The following SGCD variants were observed in gnomAD, a reference collection of about 807,000 sequenced individuals.
SGCD encodes delta-sarcoglycan.
A neutral mutation model predicts 36.6 loss-of-function variants in SGCD; 18 were observed. The observed-to-expected ratio is 0.49, with a 90% CI of 0.34 to 0.73. The LOEUF (loss-of-function observed/expected upper bound fraction) is 0.73. Among genes scored for constraint, SGCD ranks in the 30% least tolerant of loss-of-function variants. The pLI is 0.01. For missense variants in SGCD, 387 were observed against 346.7 expected (o/e 1.12, Z -0.92); for synonymous variants, 133 against 130.6 (o/e 1.02, Z -0.12).
chr5:156,033,743 T>C (rs1759417761), intron 1 of SGCD, among the ~76,000 whole-genome samples: 1 of 152,190 alleles, frequency 6.6e-6, no homozygotes, highest in Admixed American at 6.5e-5. Flanking sequence ...AGGGAGGGCA[T>C]ACTATGTGCA....
At chr5:156,573,773 A>C (rs1759816041) in intron 4 of SGCD, among the ~76,000 whole-genome samples, 1 of 152,144 alleles carries the variant, frequency 6.6e-6, no homozygotes, top group Admixed American at 6.5e-5. Context: ...AGCTCACTGT[A>C]ACCTCAAACT....
At position 156,149,152 on chromosome 5, in the gene SGCD, A is replaced by G. The variant is rs139775101; in HGVS notation, c.-44+25133A>G. 2.2e-4 allele frequency among the ~76,000 whole-genome samples: 33 copies of G among 152,326 alleles called. No homozygotes were observed. In the East Asian group the frequency reaches 6.2e-3, roughly 29 times the overall value. On this transcript the variant is annotated intron_variant, in intron 3 of 9. Coordinates refer to the SGCD transcript ENST00000517913. ...TCACAGGTACATAGTAGGTATATGT[A>G]TCTGTGGAGTACATGAGATGTTTTG...
chr5:156,296,319 A>G (rs1766892481), intron 3 of SGCD, among the ~76,000 whole-genome samples: 1 of 152,214 alleles, frequency 6.6e-6, no homozygotes, highest in Admixed American at 6.5e-5. Context: ...AGACGGTGTC[A>G]AAGGTGACCA....
chr5:156,316,668 A>G (rs1057002381), intron 3 of SGCD, among the ~76,000 whole-genome samples: 4 of 152,054 alleles, frequency 2.6e-5, no homozygotes, highest in African/African-American at 9.7e-5. Context: ...ATGTGTGGTC[A>G]ACTATTTTTT....
chr5:156,221,121 T>A (rs370191621), intron 3 of SGCD, among the ~76,000 whole-genome samples: 3 of 152,142 alleles, frequency 2.0e-5, no homozygotes, highest in African/African-American at 7.2e-5. Flanking sequence ...AATAGGTACA[T>A]TCACATTGCT....
chr5:156,473,620 G>C (rs1262210949), intron 3 of SGCD, among the ~76,000 whole-genome samples: 1 of 152,192 alleles, frequency 6.6e-6, no homozygotes, highest in Non-Finnish European at 1.5e-5. Flanking sequence ...TTCTTTGAAA[G>C]AGATTGTAAA....
At chr5:155,993,013 C>T (rs1435245268) in intron 1 of SGCD, among the ~76,000 whole-genome samples, 2 of 152,148 alleles carry the variant, frequency 1.3e-5, no homozygotes, top group Non-Finnish European at 2.9e-5. Context: ...GCCCTAATCA[C>T]CCCAAGGCCA....
intron 3 of SGCD, among the ~76,000 whole-genome samples, chr5:156,265,995 G>A (rs991438252): frequency 6.6e-6 from 1 of 152,170 alleles, no homozygotes; most frequent in African/African-American, 2.4e-5. Context: ...ACATGGTATA[G>A]ATATTTAGAT....
At position 156,703,632 on chromosome 5, in the gene SGCD, C is replaced by T. The variant is rs138137859; in HGVS notation, c.576-53949C>T. On this transcript the variant is annotated intron_variant, in intron 7 of 8. Transcript: ENST00000337851. ...AAGAAATGAATCATTTATTCTTTTA[C>T]TTGAACATTTATTATGTACCTAGCT... is the stretch of plus-strand genomic sequence containing the variant. Among the ~76,000 whole-genome samples the T allele has an allele frequency of 1.7e-3, 265 of 152,260 alleles. 1 individual carries two copies. Among genetic ancestry groups the T allele is most frequent in the African/African-American group, 5.8e-3 (243 of 41,544 alleles).
chr5:156,271,044 A>T (rs1241526552), intron 3 of SGCD, among the ~76,000 whole-genome samples: 1 of 152,240 alleles, frequency 6.6e-6, no homozygotes, highest in Non-Finnish European at 1.5e-5. Flanking sequence ...AAATGGCTTA[A>T]GTAAAATAAG....
At chr5:156,538,729 G>A (rs1351333018) in intron 4 of SGCD, among the ~76,000 whole-genome samples, 1 of 151,948 alleles carries the variant, frequency 6.6e-6, no homozygotes, top group African/African-American at 2.4e-5. Flanking sequence ...AATGATTATT[G>A]CATAAATAGA....
chr5:156,713,517 G>C (rs976701356), intron 7 of SGCD, among the ~76,000 whole-genome samples: 4 of 152,088 alleles, frequency 2.6e-5, no homozygotes, highest in African/African-American at 9.7e-5. Flanking sequence ...GAACAGACAG[G>C]AGCTTGTGGT....
the SGCD span, among the ~76,000 whole-genome samples, chr5:155,852,902 A>C: frequency 6.6e-6 from 1 of 152,006 alleles, no homozygotes; most frequent in African/African-American, 2.4e-5. Flanking sequence ...TGTGGTCTGA[A>C]TCTTGATTTC....
At chr5:155,842,639 G>T in the SGCD span, among the ~76,000 whole-genome samples, 5 of 152,048 alleles carry the variant, frequency 3.3e-5, no homozygotes, top group Non-Finnish European at 7.4e-5. Flanking sequence ...ATGCTTGTTG[G>T]TGTCTAGTGG....
chr5:156,516,273 C>T (rs1459841499), intron 4 of SGCD, among the ~76,000 whole-genome samples: 1 of 150,284 alleles, frequency 6.7e-6, no homozygotes, highest in Non-Finnish European at 1.5e-5. Flanking sequence ...TATGCAAGAG[C>T]ATTCCAGCCA....
intron 3 of SGCD, among the ~76,000 whole-genome samples, chr5:156,143,080 C>G (rs1210332140): frequency 6.6e-6 from 1 of 152,208 alleles, no homozygotes; most frequent in Non-Finnish European, 1.5e-5. Flanking sequence ...TTCCAAGGCC[C>G]CATTTCCCTG....
intron 3 of SGCD, among the ~76,000 whole-genome samples, chr5:156,280,844 G>T (rs1364551742): frequency 6.6e-6 from 1 of 151,974 alleles, no homozygotes; most frequent in African/African-American, 2.4e-5. Flanking sequence ...TTAATGCAGA[G>T]AATTTTTTAG....
chr5:156,054,396 C>T (rs1481069969), intron 1 of SGCD, among the ~76,000 whole-genome samples: 1 of 142,808 alleles, frequency 7.0e-6, no homozygotes, highest in Admixed American at 7.0e-5. Context: ...CGCCATTCTC[C>T]TGCCTCAGCC....
rs116215922 is a variant in SGCD, at chr5:156,386,886, G to A, written c.192+42209G>A. Among the ~76,000 whole-genome samples, 447 of 152,318 alleles carry A rather than the reference G, an allele frequency of 2.9e-3. 6 individuals carry two copies. Among genetic ancestry groups the A allele is most frequent in the African/African-American group, 0.01 (433 of 41,570 alleles). On this transcript the variant is annotated intron_variant, in intron 3 of 8. Coordinates refer to ENST00000337851, the MANE Select transcript of SGCD (RefSeq NM_000337.6). The stretch of plus-strand genomic sequence containing the variant: ...CCCAAGAAGTATTTCAAACTGGTCA[G>A]CCAACTTAAGGTATGTTTATTCATT...
Sources: gnomAD v4.1 joint callset for allele counts (sites outside exome capture counted in the v4.1 genomes callset) on GRCh38, gnomAD v4.1.1 for gene constraint, MANE v1.5 for transcripts, NCBI Gene and HGNC (gene_info 2026-07-23, HGNC 2026-07-21) for gene names.